The following CPNE9 variants were observed in gnomAD, a reference collection of about 807,000 sequenced individuals.
CPNE9 encodes the protein copine family member 9.
A neutral mutation model predicts 83.0 loss-of-function variants in CPNE9; 59 were observed. The ratio of observed to expected loss-of-function variants is 0.71; its 90% CI spans 0.58 to 0.88. The LOEUF (loss-of-function observed/expected upper bound fraction) is 0.88. CPNE9 is among the 40% of genes least tolerant of loss of function. The pLI is 0.00. For missense variants in CPNE9, 619 were observed against 720.8 expected (o/e 0.86, Z 1.62); for synonymous variants, 256 against 273.4 (o/e 0.94, Z 0.63).
chr3:9,727,915 A>C (rs2076798279), intron 20 of CPNE9, among the ~76,000 whole-genome samples: 2 of 152,196 alleles, frequency 1.3e-5, no homozygotes, highest in Non-Finnish European at 2.9e-5. Flanking sequence ...GAGGGAGAGA[A>C]AGTGGCAGGT....
At chr3:9,705,418 CT>C in intron 4 of CPNE9, 45 bp from the exon 5 acceptor site, 2 of 713,234 alleles carry the variant, frequency 2.8e-6, no homozygotes, top group Non-Finnish European at 4.9e-6. Flanking sequence ...TTTCCACCCT[CT>C]CCCCCACCCA....
At chr3:9,717,694 A>C (rs1209377608) in intron 15 of CPNE9, among the ~76,000 whole-genome samples, 1 of 151,768 alleles carries the variant, frequency 6.6e-6, no homozygotes, top group East Asian at 1.9e-4. Context: ...GGATGGATGG[A>C]CTGATGGATG....
Position 9,717,099 on chromosome 3 carries a change from C to A in CPNE9, c.926C>A (p.Ser309Tyr). Residue 309 changes from serine to tyrosine, a missense_variant, in exon 15 of 21, where the codon TCC becomes TAC. By Grantham distance (144) the Ser-to-Tyr change is moderately radical (BLOSUM62 -2). Around this residue, in one of 3 missense-constraint regions of CPNE9, gnomAD observed 438 missense variants for 562.9 expected, o/e 0.78. Transcript: ENST00000383832. ...NFTVAIDFTASNGNPLQPTSL... is the reference protein window; with the variant it reads ...NFTVAIDFTAYNGNPLQPTSL... ...ACAGTAGCCATTGACTTCACGGCTT[C>A]CAATGGTGAGACACGGATGAGTGAA... 2.5e-6 allele frequency: 4 copies of A among 1,614,168 alleles called. No homozygotes were observed. The highest frequency in any genetic ancestry group is 3.4e-6 in the Non-Finnish European group (4 of 1,180,018).
rs1270989986 is a variant in CPNE9 at position 9,705,507 on chromosome 3, A to C, written c.297+7A>C. The C allele has an allele frequency of 4.5e-6, 7 of 1,571,602 alleles. No individual in the cohort carries two copies. The South Asian group carries it at 7.9e-5, about 18-fold the overall frequency. ...AACCAACATCTCCAAACCGGTGAGC[A>C]AACGTTTCCTCGAGGGTTGGCGGAG... On this transcript the variant is annotated splice_region_variant and intron_variant, in intron 5 of 20. Transcript: ENST00000383832.
chr3:9,721,910 T>G (rs1480660081), intron 17 of CPNE9, among the ~76,000 whole-genome samples: 4 of 151,860 alleles, frequency 2.6e-5, no homozygotes, highest in Admixed American at 2.6e-4. Context: ...ATAGGAACTG[T>G]TTTTTGTTTT....
At chr3:9,729,372 G>C (rs1202871662) in intron 20 of CPNE9, 135 bp from the exon 21 acceptor site, 3 of 1,306,098 alleles carry the variant, frequency 2.3e-6, no homozygotes, top group African/African-American at 1.5e-5. Context: ...GTAGAAAACT[G>C]TTCAAGATGT....
chr3:9,704,514 C>A lies in CPNE9; in HGVS notation c.69-73C>A. Reference sequence around the variant, plus strand: ...GCGGGCCCCATGCCTCTCCTCAGTGCCCGGCTCAGAGCCGACTCGAGGCGG... The same window carrying A: ...GCGGGCCCCATGCCTCTCCTCAGTGACCGGCTCAGAGCCGACTCGAGGCGG... On this transcript the variant is annotated intron_variant, in intron 1 of 20. Transcript: ENST00000383832. This position sits in a 1 kb window ranked among gnomAD's most constrained non-coding sequence, Gnocchi z 7.1. 1 of 1,338,006 alleles carries A rather than the reference C, an allele frequency of 7.5e-7. No individual in the cohort carries two copies. The highest frequency in any genetic ancestry group is 1.1e-6 in the Non-Finnish European group (1 of 928,052). The allele number at this position is 1,338,006 out of a possible 1,614,324, so 82.9% of individuals were successfully genotyped here.
intron 17 of CPNE9, among the ~76,000 whole-genome samples, chr3:9,720,579 A>G (rs1414850539): frequency 6.6e-6 from 1 of 152,222 alleles, no homozygotes; most frequent in Non-Finnish European, 1.5e-5. Flanking sequence ...AAATGAAGAA[A>G]TCACCCTGAA....
At position 9,714,728 on chromosome 3, in the gene CPNE9, A is replaced by T. The variant is rs368564444; in HGVS notation, c.651-186A>T. On this transcript the variant is annotated intron_variant, in intron 10 of 20. Coordinates refer to ENST00000383832, the MANE Select transcript of CPNE9 (RefSeq NM_153635.3). ...TAACCAGAGTAGTATTAATAGGGGTAGGTGGTTGGGTACAGGCACAGACTG... is the reference window on the plus strand; with the variant it reads ...TAACCAGAGTAGTATTAATAGGGGTTGGTGGTTGGGTACAGGCACAGACTG... Among the ~76,000 whole-genome samples the T allele has an allele frequency of 2.0e-4, 30 of 150,826 alleles. 2 individuals are homozygous for T. Among genetic ancestry groups the T allele is most frequent in the East Asian group, 1.6e-3 (8 of 5,052 alleles).
chr3:9,713,860 A>G (rs1255897973), intron 10 of CPNE9, among the ~76,000 whole-genome samples: 1 of 152,044 alleles, frequency 6.6e-6, no homozygotes, highest in African/African-American at 2.4e-5. Flanking sequence ...TCACGAGGTC[A>G]GGAGATCGAG....
intron 20 of CPNE9, 39 bp from the exon 21 acceptor site, chr3:9,729,468 T>C: frequency 6.4e-7 from 1 of 1,572,180 alleles, no homozygotes; most frequent in Non-Finnish European, 8.7e-7. Flanking sequence ...CCCTCTCTCC[T>C]GGTCATGGCT....
At chr3:9,706,586 T>C (rs536646082) in intron 7 of CPNE9, among the ~76,000 whole-genome samples, 14 of 152,372 alleles carry the variant, frequency 9.2e-5, no homozygotes, top group Admixed American at 1.3e-4. Context: ...AGGGGGCTGA[T>C]ACTCTAGTTG....
In CPNE9 at chr3:9,724,031, G is replaced by C. The variant is rs2076755305; in HGVS notation, c.1242-1918G>C. 1.3e-5 allele frequency among the ~76,000 whole-genome samples: 2 copies of C among 152,218 alleles called. 1 individual carries two copies. Among genetic ancestry groups the C allele is most frequent in the South Asian group, 4.2e-4 (2 of 4,816 alleles). ...ACTTGAAAGTAGCTAGGGTGGCCAAGGAACTGAATGTTTAACTCTATTTAA... is the reference window on the plus strand; with the variant it reads ...ACTTGAAAGTAGCTAGGGTGGCCAACGAACTGAATGTTTAACTCTATTTAA... On this transcript the variant is annotated intron_variant, in intron 17 of 20. Transcript: ENST00000383832.
intron 7 of CPNE9, among the ~76,000 whole-genome samples, chr3:9,706,899 C>T (rs897817066): frequency 6.6e-6 from 1 of 152,190 alleles, no homozygotes; most frequent in African/African-American, 2.4e-5. Flanking sequence ...AGACTGGAGC[C>T]AGGTGACTGG....
chr3:9,727,336 T>G, intron 20 of CPNE9, 150 bp downstream of exon 20: 1 of 912,310 alleles, frequency 1.1e-6, no homozygotes, highest in Non-Finnish European at 1.8e-6. Flanking sequence ...TACATCCTTT[T>G]TGACAAACAG....
At chr3:9,711,894 C>G (rs1209871036) in intron 7 of CPNE9, among the ~76,000 whole-genome samples, 1 of 152,202 alleles carries the variant, frequency 6.6e-6, no homozygotes, top group Non-Finnish European at 1.5e-5. Flanking sequence ...ACCTAACAAG[C>G]TAGCCCTTTT....
At chr3:9,718,248 C>A in intron 16 of CPNE9, 38 bp downstream of exon 16, 1 of 1,553,290 alleles carries the variant, frequency 6.4e-7, no homozygotes, top group South Asian at 1.2e-5. Flanking sequence ...CGTGCCCTGG[C>A]ATCTGGTTCA....
At chr3:9,713,743 C>T (rs1451158092) in intron 10 of CPNE9, among the ~76,000 whole-genome samples, 2 of 151,952 alleles carry the variant, frequency 1.3e-5, no homozygotes, top group Non-Finnish European at 2.9e-5. Flanking sequence ...GATGGATAGG[C>T]CAACCAAATG....
intron 17 of CPNE9, among the ~76,000 whole-genome samples, chr3:9,722,162 C>CCG (rs982947323): frequency 1.3e-5 from 2 of 151,002 alleles, no homozygotes; most frequent in African/African-American, 2.4e-5. Context: ...GGTGATCCAC[C>CCG]CCCCCCCGCC....
Sources: gnomAD v4.1 joint callset for allele counts (sites outside exome capture counted in the v4.1 genomes callset) on GRCh38, gnomAD v4.1.1 for gene constraint, gnomAD v4.1.1 regional missense constraint, Gnocchi (gnomAD v3.1) non-coding constraint, MANE v1.5 for transcripts, NCBI Gene and HGNC (gene_info 2026-07-23, HGNC 2026-07-21) for gene names.